RPS6KA1: variants seen among roughly 807,000 people sequenced by gnomAD.
RPS6KA1 encodes the protein ribosomal protein S6 kinase A1, also known as ribosomal protein S6 kinase alpha-1.
Under a neutral mutation model 91.3 loss-of-function variants are expected in RPS6KA1, and 48 were observed. The observed-to-expected ratio is 0.53, with a 90% CI of 0.42 to 0.67. RPS6KA1 has a LOEUF of 0.67. Ranked by LOEUF, RPS6KA1 falls within the 30% of genes least tolerant of loss-of-function variation. The probability of loss-of-function intolerance (pLI) is 0.00; values close to 1 mark genes in which losing one functional copy is unlikely to be tolerated. For synonymous variants in RPS6KA1, 359 were observed against 384.7 expected (o/e 0.93, Z 0.78); for missense variants, 719 against 960.5 (o/e 0.75, Z 3.32).
rs2076250758 is a variant in RPS6KA1, at chr1:26,571,727, C to A, written c.1752+117C>A. On this transcript the variant is annotated intron_variant, in intron 18 of 21. Transcript: ENST00000374168. This position sits in a 1 kb window ranked among gnomAD's most constrained non-coding sequence, Gnocchi z 5.1. ...GTCTCTGTGACCTTGGCCCAGCTGG[C>A]AAGGGAAGATCTAGCCTGTGCCTGG... 6.7e-7 allele frequency: 1 copy of A among 1,486,812 alleles called. No homozygotes were observed. 92.1% of individuals were successfully genotyped at this position (1,486,812 alleles called of 1,614,324 possible).
In RPS6KA1 at chr1:26,555,486, G is replaced by A. The variant is rs1354686831; in HGVS notation, c.828-51G>A. The A allele has an allele frequency of 6.6e-7, 1 of 1,505,966 alleles. No individual in the cohort carries two copies. The highest frequency in any genetic ancestry group is 2.5e-5 in the East Asian group (1 of 40,768). 93.3% of individuals were successfully genotyped at this position (1,505,966 alleles called of 1,614,324 possible). A position where few individuals can be genotyped will look rare whatever the true frequency, so the allele number is the denominator to read the frequency against. On this transcript the variant is annotated intron_variant, in intron 10 of 21. Transcript: ENST00000374168. This position sits in a 1 kb window ranked among gnomAD's most constrained non-coding sequence, Gnocchi z 4.3. Reference sequence around the variant, plus strand: ...GATCTGGACAGGGGCCGGGGGAGATGGGGCCTCTGGGGCAGGGCTCAGCCT... The same window carrying A: ...GATCTGGACAGGGGCCGGGGGAGATAGGGCCTCTGGGGCAGGGCTCAGCCT...
At position 26,574,007 on chromosome 1, in the gene RPS6KA1, C is replaced by T. The variant is rs1325287834; in HGVS notation, c.2086-72C>T. On this transcript the variant is annotated intron_variant, in intron 21 of 21. Coordinates refer to ENST00000374168, the MANE Select transcript of RPS6KA1 (RefSeq NM_002953.4). This position sits in a 1 kb window ranked among gnomAD's most constrained non-coding sequence, Gnocchi z 4.3. ...TGGAACACTGAGAGGGGCTGGCCTA[C>T]CCTTGGGGCATGGATCCCCTCCCCG... 1.9e-6 allele frequency: 3 copies of T among 1,558,650 alleles called. No homozygotes were observed. Among genetic ancestry groups the T allele is most frequent in the Non-Finnish European group, 2.6e-6 (3 of 1,141,596 alleles).
Position 26,554,190 on chromosome 1 carries a change from C to T in RPS6KA1, c.576-24C>T, listed in dbSNP as rs755757556. 2 of 1,552,226 alleles carry T rather than the reference C, an allele frequency of 1.3e-6. No individual in the cohort carries two copies. The highest frequency in any genetic ancestry group is 2.4e-5 in the South Asian group (2 of 84,002). On this transcript the variant is annotated intron_variant, in intron 7 of 21. Transcript: ENST00000374168. This position sits in a 1 kb window ranked among gnomAD's most constrained non-coding sequence, Gnocchi z 4.6. The stretch of plus-strand genomic sequence containing the variant: ...CCCACACGGCCACAGCTGAGGGGCC[C>T]TGACCACTATTTCTCTATTACAGCA...
At chr1:26,573,002 A>G (rs2076262679) in intron 20 of RPS6KA1, among the ~76,000 whole-genome samples, 1 of 152,204 alleles carries the variant, frequency 6.6e-6, no homozygotes, top group African/African-American at 2.4e-5. Flanking sequence ...CAAAGGAGAA[A>G]TGGAAGGGTG....
rs184782887 is a variant in RPS6KA1, at chr1:26,544,009, C to T, written c.109-2858C>T. The stretch of plus-strand genomic sequence containing the variant: ...CTCAGAGGTGGGTCTGCAAGAAATA[C>T]GAGAGTCCTCTCCTGAGTGGTGGGA... On this transcript the variant is annotated intron_variant, in intron 2 of 21. Transcript: ENST00000374168. 2.9e-4 allele frequency: 132 copies of T among 447,676 alleles called. No individual in the cohort carries two copies. In the East Asian group the frequency reaches 3.9e-3, roughly 13 times the overall value. 27.7% of individuals were successfully genotyped at this position (447,676 alleles called of 1,614,324 possible). A position where few individuals can be genotyped will look rare whatever the true frequency, so the allele number is the denominator to read the frequency against.
intron 1 of RPS6KA1, among the ~76,000 whole-genome samples, chr1:26,531,792 G>C (rs1311325306): frequency 6.6e-6 from 1 of 152,166 alleles, no homozygotes; most frequent in Non-Finnish European, 1.5e-5. Context: ...CCACTTCCTG[G>C]GCCTGAGAGG....
chr1:26,555,680 T>G lies in RPS6KA1; in HGVS notation c.916+55T>G. The stretch of plus-strand genomic sequence containing the variant: ...GTGGCGATGGGGAGCCGGGTACAGC[T>G]GCAGCCTAGGCCACAGGGCCACATC... On this transcript the variant is annotated intron_variant, in intron 11 of 21. Transcript: ENST00000374168. The surrounding 1 kb of genome is among the most constrained non-coding windows in gnomAD (Gnocchi z 4.3). 1 of 1,513,434 alleles carries G rather than the reference T, an allele frequency of 6.6e-7. No individual in the cohort carries two copies. Among genetic ancestry groups the G allele is most frequent in the Non-Finnish European group, 9.0e-7 (1 of 1,111,116 alleles). 93.8% of individuals were successfully genotyped at this position (1,513,434 alleles called of 1,614,324 possible).
intron 1 of RPS6KA1, among the ~76,000 whole-genome samples, chr1:26,532,414 T>C (rs1021425485): frequency 1.1e-4 from 17 of 152,156 alleles, no homozygotes; most frequent in African/African-American, 3.9e-4. Flanking sequence ...GAGCCAGGAT[T>C]GGAACCAAGA....
At chr1:26,544,214 C>T (rs757449001) in intron 2 of RPS6KA1, 94 of 456,142 alleles carry the variant, frequency 2.1e-4, no homozygotes, top group East Asian at 3.5e-4. Context: ...CTGACTCTCC[C>T]GCTGTCTCTC....
At position 26,547,595 on chromosome 1, in the gene RPS6KA1, C is replaced by T; in HGVS notation, c.307+325C>T. On this transcript the variant is annotated intron_variant, in intron 4 of 21. Coordinates refer to ENST00000374168, the MANE Select transcript of RPS6KA1 (RefSeq NM_002953.4). The surrounding 1 kb of genome is among the most constrained non-coding windows in gnomAD (Gnocchi z 4.1). ...GATGCTAGAAGAGTCTGGGGGAGACCTCTGTGGCCCCTAACTCAGGGGCCT... is the reference window on the plus strand; with the variant it reads ...GATGCTAGAAGAGTCTGGGGGAGACTTCTGTGGCCCCTAACTCAGGGGCCT... 3.6e-6 allele frequency: 1 copy of T among 279,564 alleles called. No individual in the cohort carries two copies. Among genetic ancestry groups the T allele is most frequent in the South Asian group, 3.8e-5 (1 of 26,298 alleles). 17.3% of individuals were successfully genotyped at this position (279,564 alleles called of 1,614,324 possible).
chr1:26,566,968 C>T (rs1048703393), intron 17 of RPS6KA1, among the ~76,000 whole-genome samples: 6 of 152,122 alleles, frequency 3.9e-5, no homozygotes, highest in African/African-American at 1.4e-4. Context: ...GCAGCTAATG[C>T]CATATGCCAC....
rs547584494 is a variant in RPS6KA1, at chr1:26,532,829, G to A, written c.63+2846G>A. On this transcript the variant is annotated intron_variant, in intron 1 of 21. Transcript: ENST00000374168. Reference sequence around the variant, plus strand: ...TCTCAGAACTGGGGGCAGTGGTCTGGGGCCCTGGGCATCTGTCCTCATGAG... The same window carrying A: ...TCTCAGAACTGGGGGCAGTGGTCTGAGGCCCTGGGCATCTGTCCTCATGAG... 2.6e-5 allele frequency among the ~76,000 whole-genome samples: 4 copies of A among 152,308 alleles called. No homozygotes were observed. The East Asian group carries it at 7.7e-4, about 29-fold the overall frequency.
rs894201255 is a variant in RPS6KA1 at position 26,546,408 on chromosome 1, C to T, written c.109-459C>T. On this transcript the variant is annotated intron_variant, in intron 2 of 21. Coordinates refer to ENST00000374168, the MANE Select transcript of RPS6KA1 (RefSeq NM_002953.4). ...TGGGTGACTCTTGGGTCTTTGTGCA[C>T]GTCAGCCCTGTCCTGCTGACCAGAG... is the stretch of plus-strand genomic sequence containing the variant. Among the ~76,000 whole-genome samples, 8 of 152,180 alleles carry T rather than the reference C, an allele frequency of 5.3e-5. No homozygotes were observed. The East Asian group carries it at 7.7e-4, about 15-fold the overall frequency.
intron 2 of RPS6KA1, among the ~76,000 whole-genome samples, chr1:26,541,146 C>A (rs1377453659): frequency 6.6e-6 from 1 of 151,778 alleles, no homozygotes; most frequent in African/African-American, 2.4e-5. Flanking sequence ...CTTGTCCTCC[C>A]AGCTTACTCC....
chr1:26,548,915 AG>A (rs1355970551), intron 4 of RPS6KA1, among the ~76,000 whole-genome samples: 1 of 151,952 alleles, frequency 6.6e-6, no homozygotes, highest in Non-Finnish European at 1.5e-5. Flanking sequence ...GAAGGGGACC[AG>A]CTCCTGCAGC....
chr1:26,534,309 C>A, intron 1 of RPS6KA1, among the ~76,000 whole-genome samples: 1 of 152,174 alleles, frequency 6.6e-6, no homozygotes, highest in East Asian at 1.9e-4. Context: ...TGGACTCTGG[C>A]TGGGTGCCAA....
chr1:26,559,202 T>C (rs1372776249), intron 14 of RPS6KA1, among the ~76,000 whole-genome samples: 1 of 152,172 alleles, frequency 6.6e-6, no homozygotes, highest in Non-Finnish European at 1.5e-5. Context: ...CGAGTGACTG[T>C]CGTGTCTCCG....
At chr1:26,536,011 G>A (rs552803362) in intron 1 of RPS6KA1, among the ~76,000 whole-genome samples, 33 of 152,150 alleles carry the variant, frequency 2.2e-4, no homozygotes, top group African/African-American at 7.9e-4. Context: ...AAAATTAGCC[G>A]GGCATGGTGG....
chr1:26,553,025 T>C, intron 6 of RPS6KA1: 1 of 257,638 alleles, frequency 3.9e-6, no homozygotes, highest in African/African-American at 2.2e-5. Context: ...GTTCTGTACC[T>C]TGCTTTTTTC....
Sources: allele counts gnomAD v4.1 joint callset (sites outside exome capture counted in the v4.1 genomes callset), GRCh38; gene constraint gnomAD v4.1.1; non-coding constraint Gnocchi (gnomAD v3.1); transcripts MANE v1.5; gene names NCBI Gene and HGNC (gene_info 2026-07-23, HGNC 2026-07-21).